PBX1: variants seen among roughly 807,000 people sequenced by gnomAD.
The protein encoded by PBX1 is PBX homeobox 1.
In PBX1, 6 loss-of-function variants were observed where a neutral mutation model predicts 53.4. The observed-to-expected ratio is 0.11, with a 90% CI of 0.06 to 0.22. PBX1 has a LOEUF of 0.22. Among genes scored for constraint, PBX1 ranks in the 10% least tolerant of loss-of-function variants. PBX1 has a pLI of 1.00. For missense variants in PBX1, 251 were observed against 551.4 expected, an observed-to-expected ratio of 0.46 and a Z score of 5.46; for synonymous variants, 204 against 212.3, an observed-to-expected ratio of 0.96 and a Z score of 0.34.
intron 2 of PBX1, among the ~76,000 whole-genome samples, chr1:164,685,736 G>A (rs1370351928): frequency 2.0e-5 from 3 of 152,214 alleles, no homozygotes; most frequent in Non-Finnish European, 4.4e-5. Context: ...GAAGGGAAAA[G>A]TGAGAATTAA....
intron 2 of PBX1, among the ~76,000 whole-genome samples, chr1:164,591,195 A>G (rs1322185744): frequency 1.3e-5 from 2 of 151,980 alleles, no homozygotes; most frequent in Non-Finnish European, 2.9e-5. Flanking sequence ...TATTTTTCGT[A>G]GAGACGGGGT....
intron 2 of PBX1, among the ~76,000 whole-genome samples, chr1:164,569,507 A>T (rs1159654337): frequency 6.7e-6 from 1 of 149,754 alleles, no homozygotes; most frequent in Non-Finnish European, 1.5e-5. Flanking sequence ...CTCTGATTTT[A>T]TGCTGAAAAG....
intron 2 of PBX1, among the ~76,000 whole-genome samples, chr1:164,884,777 C>T (rs1672739106): frequency 6.6e-6 from 1 of 152,074 alleles, no homozygotes; most frequent in Admixed American, 6.6e-5. Flanking sequence ...TCAACAGAGC[C>T]CCAAAGCAAT....
Position 164,799,752 on chromosome 1 carries a change from G to C in PBX1, c.564G>C (p.Arg188=), listed in dbSNP as rs1329481193. ...HVMNLLREQS[R]TRPISPKEIE... is the part of the protein sequence containing the mutation. Reference sequence around the variant, plus strand: ...TGAATCTCCTGCGAGAGCAAAGCCGGACCAGGCCCATCTCCCCAAAGGAGA... The same window carrying C: ...TGAATCTCCTGCGAGAGCAAAGCCGCACCAGGCCCATCTCCCCAAAGGAGA... The change falls in exon 4 of 9, where the codon CGG becomes CGC. Residue 188 remains arginine, a synonymous_variant. Transcript: ENST00000420696. The C allele has an allele frequency of 6.2e-7, 1 of 1,613,938 alleles. No individual in the cohort carries two copies. The highest frequency in any genetic ancestry group is 8.5e-7 in the Non-Finnish European group (1 of 1,179,972).
chr1:164,801,704 CT>C (rs1255535815), intron 4 of PBX1, among the ~76,000 whole-genome samples: 1 of 152,300 alleles, frequency 6.6e-6, no homozygotes, highest in Non-Finnish European at 1.5e-5. Flanking sequence ...AAGACAGGGT[CT>C]TTTTCTTGCT....
chr1:164,752,466 G>A (rs1254487778), intron 2 of PBX1, among the ~76,000 whole-genome samples: 3 of 152,072 alleles, frequency 2.0e-5, no homozygotes, highest in African/African-American at 7.2e-5. Context: ...AATGTGGAAG[G>A]AGGAGAGGAG....
At chr1:164,669,947 A>G (rs1661025484) in intron 2 of PBX1, among the ~76,000 whole-genome samples, 1 of 152,182 alleles carries the variant, frequency 6.6e-6, no homozygotes, top group Non-Finnish European at 1.5e-5. Context: ...ATTGACCCTC[A>G]TGGTCTGGGC....
chr1:164,822,562 A>G (rs1320021924), intron 8 of PBX1, among the ~76,000 whole-genome samples: 1 of 152,248 alleles, frequency 6.6e-6, no homozygotes, highest in East Asian at 1.9e-4. Flanking sequence ...TAATGTCTGC[A>G]GTGAAGGAGG....
At chr1:164,585,666 C>T (rs1654907205) in intron 2 of PBX1, among the ~76,000 whole-genome samples, 1 of 152,176 alleles carries the variant, frequency 6.6e-6, no homozygotes, top group Admixed American at 6.5e-5. Context: ...GGTTGCTTCA[C>T]TTTCTTGCTC....
intron 2 of PBX1, among the ~76,000 whole-genome samples, chr1:164,603,722 A>G (rs1656334625): frequency 6.6e-6 from 1 of 152,154 alleles, no homozygotes; most frequent in African/African-American, 2.4e-5. Context: ...TATGGAGGAT[A>G]CCTACATAAG....
At chr1:164,824,502 G>A (rs1273042786) in intron 8 of PBX1, among the ~76,000 whole-genome samples, 1 of 152,204 alleles carries the variant, frequency 6.6e-6, no homozygotes, top group Admixed American at 6.5e-5. Context: ...AATTTTGTAA[G>A]TGATAACTTT....
intron 2 of PBX1, among the ~76,000 whole-genome samples, chr1:164,873,887 A>T (rs1419073): frequency 0.85 from 128,495 of 151,976 alleles, 55,598 homozygotes; most frequent in Middle Eastern, 0.94. Flanking sequence ...ATAACAGCTT[A>T]AAAAAAAATT....
intron 2 of PBX1, among the ~76,000 whole-genome samples, chr1:164,668,188 C>G (rs928544594): frequency 1.1e-4 from 16 of 152,278 alleles, no homozygotes; most frequent in African/African-American, 2.9e-4. Flanking sequence ...CTGAACTTGT[C>G]TTTTCAGCAC....
Position 164,850,999 on chromosome 1 carries a change from TG to T in PBX1, c.*4324del, listed in dbSNP as rs372152597. The T allele has an allele frequency of 6.4e-4, 141 of 221,446 alleles. No homozygotes were observed. In the East Asian group the frequency reaches 7.3e-3, roughly 11 times the overall value. 13.7% of individuals were successfully genotyped at this position (221,446 alleles called of 1,614,324 possible). A position where few individuals can be genotyped will look rare whatever the true frequency, so the allele number is the denominator to read the frequency against. On this transcript the variant is annotated 3_prime_UTR_variant, in exon 9 of 9. Coordinates refer to ENST00000420696, the MANE Select transcript of PBX1 (RefSeq NM_002585.4). The stretch of plus-strand genomic sequence containing the variant: ...GGCACCATTGGTTAAGTAAACTACA[TG>T]CAGGAAGAAGTCCTTGGGGCCAGTC...
chr1:164,823,449 G>A lies in PBX1; in HGVS notation c.1200+1823G>A, dbSNP rs563609893. 6.2e-4 allele frequency among the ~76,000 whole-genome samples: 95 copies of A among 152,280 alleles called. 1 individual carries two copies. Among genetic ancestry groups the A allele is most frequent in the African/African-American group, 2.2e-3 (91 of 41,564 alleles). ...GTGCATAAGCAGAAGAGAAGAACAT[G>A]AGGAAAGCACAAGAGTGTAGGGACA... On this transcript the variant is annotated intron_variant, in intron 8 of 8. Coordinates refer to ENST00000420696, the MANE Select transcript of PBX1 (RefSeq NM_002585.4).
At chr1:164,640,405 G>A (rs1659047085) in intron 2 of PBX1, among the ~76,000 whole-genome samples, 1 of 152,100 alleles carries the variant, frequency 6.6e-6, no homozygotes, top group African/African-American at 2.4e-5. Flanking sequence ...CAGGGGTTTG[G>A]AATTACTTAT....
At chr1:164,696,262 G>C (rs907923496) in intron 2 of PBX1, among the ~76,000 whole-genome samples, 1 of 151,944 alleles carries the variant, frequency 6.6e-6, no homozygotes, top group Non-Finnish European at 1.5e-5. Context: ...TTTTCAAAAA[G>C]TTTTTGAAAA....
At chr1:164,748,300 C>T (rs530931731) in intron 2 of PBX1, among the ~76,000 whole-genome samples, 1 of 152,238 alleles carries the variant, frequency 6.6e-6, no homozygotes, top group South Asian at 2.1e-4. Flanking sequence ...ACTGACTTTC[C>T]TCGCCTCACG....
chr1:164,691,449 CTG>C (rs1440129081), intron 2 of PBX1, among the ~76,000 whole-genome samples: 1 of 152,182 alleles, frequency 6.6e-6, no homozygotes, highest in Non-Finnish European at 1.5e-5. Flanking sequence ...AATTTTCTCT[CTG>C]TGATAATTTT....
Sources: allele counts gnomAD v4.1 joint callset (sites outside exome capture counted in the v4.1 genomes callset), GRCh38; gene constraint gnomAD v4.1.1; transcripts MANE v1.5; gene names NCBI Gene and HGNC (gene_info 2026-07-23, HGNC 2026-07-21).